The following TTLL5 variants were observed in gnomAD, a reference collection of about 807,000 sequenced individuals.
TTLL5 encodes the protein tubulin tyrosine ligase like 5, also known as tubulin polyglutamylase TTLL5.
Under a neutral mutation model 168.4 loss-of-function variants are expected in TTLL5, and 132 were observed. The ratio of observed to expected loss-of-function variants is 0.78; its 90% CI spans 0.68 to 0.91. The LOEUF is 0.91. TTLL5 is among the 40% of genes least tolerant of loss of function. The pLI is 0.00. For missense variants in TTLL5, 1,545 were observed against 1,581.5 expected (o/e 0.98, Z 0.39); for synonymous variants, 546 against 558.6 (o/e 0.98, Z 0.32).
chr14:75,934,140 AGCCACAATCTTTTTAT>A (rs1260747867), intron 31 of TTLL5, among the ~76,000 whole-genome samples: 1 of 152,220 alleles, frequency 6.6e-6, no homozygotes, highest in African/African-American at 2.4e-5. Flanking sequence ...CCACAGCAGG[AGCCACAATCTTTTTAT>A]AACTTAATCT....
intron 28 of TTLL5, among the ~76,000 whole-genome samples, chr14:75,831,095 T>C (rs556349011): frequency 2.0e-5 from 3 of 152,340 alleles, no homozygotes; most frequent in African/African-American, 7.2e-5. Flanking sequence ...ACGTGGCTCA[T>C]GACTACCATA....
At chr14:75,916,652 T>C (rs2033625713) in intron 31 of TTLL5, among the ~76,000 whole-genome samples, 2 of 152,064 alleles carry the variant, frequency 1.3e-5, no homozygotes, top group Non-Finnish European at 1.5e-5. Flanking sequence ...AACAAAAAAA[T>C]TGAATTACCA....
At chr14:75,821,394 T>G (rs1251150324) in intron 28 of TTLL5, among the ~76,000 whole-genome samples, 1 of 152,236 alleles carries the variant, frequency 6.6e-6, no homozygotes, top group Non-Finnish European at 1.5e-5. Flanking sequence ...GAAATTCTGT[T>G]TATACCATAG....
At chr14:75,764,983 A>G (rs1288538429) in intron 19 of TTLL5, among the ~76,000 whole-genome samples, 2 of 152,234 alleles carry the variant, frequency 1.3e-5, no homozygotes, top group African/African-American at 4.8e-5. Flanking sequence ...TATCTGAAAC[A>G]CATACATTTT....
intron 15 of TTLL5, 52 bp from the exon 16 acceptor site, chr14:75,745,043 G>C: frequency 1.1e-5 from 15 of 1,425,964 alleles, no homozygotes; most frequent in Non-Finnish European, 1.5e-5. Context: ...GTAATGAGGA[G>C]TAATGAAAAC....
Position 75,783,288 on chromosome 14 carries a change from A to T in TTLL5, c.2744A>T (p.His915Leu). ...TSDLSPGPCH[H>L]SSLSQIPSAI... Reference sequence around the variant, plus strand: ...GACCTCTCTCCAGGGCCTTGCCACCATTCTTCTTTATCTCAAATTCCTTCA... The same window carrying T: ...GACCTCTCTCCAGGGCCTTGCCACCTTTCTTCTTTATCTCAAATTCCTTCA... The change falls in exon 26 of 32, where the codon CAT becomes CTT. Residue 915 changes from histidine (H) to leucine (L), a missense_variant. His to Leu is a moderately conservative substitution (Grantham distance 99). Coordinates refer to ENST00000298832, the MANE Select transcript of TTLL5 (RefSeq NM_015072.5). The T allele has an allele frequency of 6.2e-7, 1 of 1,614,134 alleles. No individual in the cohort carries two copies.
rs937210551 is a variant in TTLL5 at position 75,930,616 on chromosome 14, C to T, written c.3824-23808C>T. ...TTTCTTGCAGAGAACAAGAAATTCACGGAACAAGTGGATCAGAGGTCAAGT... is the reference window on the plus strand; with the variant it reads ...TTTCTTGCAGAGAACAAGAAATTCATGGAACAAGTGGATCAGAGGTCAAGT... On this transcript the variant is annotated intron_variant, in intron 31 of 31. Transcript: ENST00000298832. 1.9e-5 allele frequency: 19 copies of T among 985,208 alleles called. No homozygotes were observed. The Admixed American group carries it at 3.7e-4, about 19-fold the overall frequency. The allele number at this position is 985,208 out of a possible 1,614,324, so 61.0% of individuals were successfully genotyped here. A position where few individuals can be genotyped will look rare whatever the true frequency, so the allele number is the denominator to read the frequency against.
chr14:75,741,229 G>A (rs1204751017), intron 15 of TTLL5, among the ~76,000 whole-genome samples: 1 of 152,146 alleles, frequency 6.6e-6, no homozygotes, highest in Non-Finnish European at 1.5e-5. Context: ...TTTATCCTTG[G>A]TGCATGTTGC....
At chr14:75,846,402 ATC>A (rs1896541781) in intron 28 of TTLL5, among the ~76,000 whole-genome samples, 1 of 152,140 alleles carries the variant, frequency 6.6e-6, no homozygotes, top group African/African-American at 2.4e-5. Context: ...TGTAAATGTG[ATC>A]TGTCATTTTA....
chr14:75,786,211 C>A (rs116372062), intron 26 of TTLL5, among the ~76,000 whole-genome samples: 1 of 151,952 alleles, frequency 6.6e-6, no homozygotes, highest in East Asian at 1.9e-4. Flanking sequence ...TTTCTAAAAT[C>A]GGTAATAATA....
chr14:75,911,592 C>T (rs527559460), intron 31 of TTLL5, among the ~76,000 whole-genome samples: 2 of 152,226 alleles, frequency 1.3e-5, no homozygotes, highest in South Asian at 2.1e-4. Context: ...GAGGTATTTT[C>T]CTTCCCTTTT....
Position 75,677,424 on chromosome 14 carries a change from C to T in TTLL5, c.182-4121C>T, listed in dbSNP as rs1435852465. On this transcript the variant is annotated intron_variant, in intron 3 of 31. Transcript: ENST00000298832. ...TTTTTTTTTTTTTTTGAGACAGGGT[C>T]TCACCCTGTCACTCAGGCTGGAGTG... Among the ~76,000 whole-genome samples the T allele has an allele frequency of 1.3e-4, 15 of 112,690 alleles. No homozygotes were observed. In the Admixed American group the frequency reaches 1.5e-3, roughly 11 times the overall value. The allele number at this position is 112,690 out of a possible 152,430, so 73.9% of individuals were successfully genotyped here.
rs149609084 is a variant in TTLL5, at chr14:75,729,899, C to T, written c.1043-2439C>T. Among the ~76,000 whole-genome samples the T allele has an allele frequency of 7.2e-5, 11 of 152,270 alleles. No individual in the cohort carries two copies. The East Asian group carries it at 2.1e-3, about 29-fold the overall frequency. On this transcript the variant is annotated intron_variant, in intron 12 of 31. Transcript: ENST00000298832. ...CAACTGAGATTCTTGGAATTTGCCT[C>T]TGGTTTGGGGAAATGGTTAAGTAAA...
At chr14:75,938,292 G>T (rs1409263460) in intron 31 of TTLL5, among the ~76,000 whole-genome samples, 1 of 152,230 alleles carries the variant, frequency 6.6e-6, no homozygotes, top group Non-Finnish European at 1.5e-5. Flanking sequence ...GGAGATACTT[G>T]TTAAAACTGT....
intron 30 of TTLL5, among the ~76,000 whole-genome samples, chr14:75,883,496 A>G (rs2031929416): frequency 6.6e-6 from 1 of 152,222 alleles, no homozygotes; most frequent in South Asian, 2.1e-4. Context: ...GATGTCTGGA[A>G]GAGGCACGCA....
At chr14:75,693,667 G>A (rs1315376641) in intron 6 of TTLL5, among the ~76,000 whole-genome samples, 2 of 152,206 alleles carry the variant, frequency 1.3e-5, no homozygotes. Flanking sequence ...TTCCCCTCAA[G>A]GGGACAGCTT....
At chr14:75,918,808 A>G (rs924670281) in intron 31 of TTLL5, among the ~76,000 whole-genome samples, 1 of 152,126 alleles carries the variant, frequency 6.6e-6, no homozygotes, top group Non-Finnish European at 1.5e-5. Context: ...TTTTATTATG[A>G]TAGTAAATTC....
intron 12 of TTLL5, among the ~76,000 whole-genome samples, chr14:75,730,713 C>T (rs148421670): frequency 6.6e-6 from 1 of 151,870 alleles, no homozygotes; most frequent in Non-Finnish European, 1.5e-5. Context: ...ATCATGGGGA[C>T]AACTAAGGTC....
chr14:75,906,308 C>CAT lies in TTLL5; in HGVS notation c.3823+4086_3823+4087dup, dbSNP rs576501029. ...CCTGGGTGGATCTGGAGTACAGTCA[C>CAT]ATAAAACCCCTGATTGCTCCCCAGA... On this transcript the variant is annotated intron_variant, in intron 31 of 31. Coordinates refer to ENST00000298832, the MANE Select transcript of TTLL5 (RefSeq NM_015072.5). Among the ~76,000 whole-genome samples the CAT allele has an allele frequency of 5.3e-4, 81 of 152,240 alleles. 1 individual carries two copies. Among genetic ancestry groups the CAT allele is most frequent in the African/African-American group, 1.9e-3 (77 of 41,540 alleles).
Sources: allele counts gnomAD v4.1 joint callset (sites outside exome capture counted in the v4.1 genomes callset), GRCh38; gene constraint gnomAD v4.1.1; transcripts MANE v1.5; gene names NCBI Gene and HGNC (gene_info 2026-07-23, HGNC 2026-07-21).